Variants in PEX7 observed in about 807,000 individuals in gnomAD.
PEX7 encodes peroxisomal biogenesis factor 7.
PEX7 carries 34 observed loss-of-function variants against 47.5 expected under a neutral mutation model. The ratio of observed to expected loss-of-function variants is 0.72; its 90% CI spans 0.54 to 0.95. The LOEUF is 0.95. Ranked by LOEUF, PEX7 falls within the 40% of genes least tolerant of loss-of-function variation. PEX7 has a pLI of 0.00. For synonymous variants in PEX7, 141 were observed against 148.8 expected (o/e 0.95, Z 0.38); for missense variants, 394 against 400.3 (o/e 0.98, Z 0.13).
chr6:136,823,282 C>T (rs1774119078), intron 1 of PEX7: 2 of 985,416 alleles, frequency 2.0e-6, no homozygotes, highest in Non-Finnish European at 2.4e-6. Context: ...GGACGATGCT[C>T]CTGAATGGAC....
intron 9 of PEX7, among the ~76,000 whole-genome samples, chr6:136,903,461 C>G (rs565798717): frequency 1.1e-4 from 16 of 151,542 alleles, no homozygotes; most frequent in African/African-American, 3.9e-4. Flanking sequence ...TAGGCATGAG[C>G]TACCATGCCC....
intron 5 of PEX7, among the ~76,000 whole-genome samples, chr6:136,849,904 T>A (rs1460482815): frequency 6.6e-6 from 1 of 152,172 alleles, no homozygotes; most frequent in African/African-American, 2.4e-5. Context: ...TTCCTGGATA[T>A]CCTTGTTAAC....
At position 136,872,182 on chromosome 6, in the gene PEX7, CT is replaced by C. The variant is rs563675060; in HGVS notation, c.748-5del. The C allele has an allele frequency of 0.03, 29,358 of 993,648 alleles. 5 individuals are homozygous for C. Among genetic ancestry groups the C allele is most frequent in the East Asian group, 0.032 (896 of 27,936 alleles). The allele number at this position is 993,648 out of a possible 1,614,324, so 61.6% of individuals were successfully genotyped here. On this transcript the variant is annotated splice_polypyrimidine_tract_variant and intron_variant, in intron 7 of 9. Transcript: ENST00000318471. ...TGACTTCAAAAAGGGTTTTTTTTTTCTTTTTTTTTTTGTAGTTTTCACCATT... is the reference window on the plus strand; with the variant it reads ...TGACTTCAAAAAGGGTTTTTTTTTTCTTTTTTTTTTGTAGTTTTCACCATT...
chr6:136,890,785 C>T (rs144616917), intron 8 of PEX7, among the ~76,000 whole-genome samples: 1 of 152,198 alleles, frequency 6.6e-6, no homozygotes, highest in East Asian at 1.9e-4. Flanking sequence ...TGATTGTCAA[C>T]ATTTAGGTGT....
rs759009056 is a variant in PEX7 at position 136,835,262 on chromosome 6, A to G, written c.339+8793A>G. ...TTCTTAAACTTTGCAGCAGATTAGC[A>G]TCACTTTGGGAGCTTACAAAAATTT... On this transcript the variant is annotated intron_variant, in intron 3 of 9. Transcript: ENST00000318471. Among the ~76,000 whole-genome samples the G allele has an allele frequency of 4.7e-4, 71 of 150,218 alleles. 1 individual carries two copies. Among genetic ancestry groups the G allele is most frequent in the Middle Eastern group, 7.0e-3 (2 of 286 alleles).
In PEX7 at chr6:136,907,573, A is replaced by T. The variant is rs189404474; in HGVS notation, c.904-5885A>T. Among the ~76,000 whole-genome samples, 4 of 152,236 alleles carry T rather than the reference A, an allele frequency of 2.6e-5. No homozygotes were observed. In the East Asian group the frequency reaches 7.7e-4, roughly 29 times the overall value. ...GGCCATGTGTCATAAAGATAATTAC[A>T]GTAGATTGAACAAGTTTCCCAAGGG... is the stretch of plus-strand genomic sequence containing the variant. On this transcript the variant is annotated intron_variant, in intron 9 of 9. Transcript: ENST00000318471.
At chr6:136,823,025 T>G in intron 1 of PEX7, 1 of 985,456 alleles carries the variant, frequency 1.0e-6, no homozygotes, top group Non-Finnish European at 1.2e-6. Flanking sequence ...TGCATATACG[T>G]GTAGCCTAGT....
intron 8 of PEX7, among the ~76,000 whole-genome samples, chr6:136,881,965 C>G (rs116291073): frequency 0.014 from 2,055 of 152,166 alleles, 53 homozygotes; most frequent in African/African-American, 0.047. Flanking sequence ...AATAGGAGAT[C>G]TTTAACGTAA....
rs1418449819 is a variant in PEX7 at position 136,822,595 on chromosome 6, C to G, written c.-71C>G. 7.2e-7 allele frequency: 1 copy of G among 1,394,400 alleles called. No individual in the cohort carries two copies. Among genetic ancestry groups the G allele is most frequent in the East Asian group, 2.6e-5 (1 of 38,562 alleles). 86.4% of individuals were successfully genotyped at this position (1,394,400 alleles called of 1,614,324 possible). On this transcript the variant is annotated 5_prime_UTR_variant, in exon 1 of 10. Coordinates refer to ENST00000318471, the MANE Select transcript of PEX7 (RefSeq NM_000288.4). ...GTCCGGTCTGCCTGGTCTCTCTAAC[C>G]GCGCCAGTGTGCCTCCGACTCGGAA...
intron 5 of PEX7, among the ~76,000 whole-genome samples, chr6:136,846,575 T>C (rs1774606620): frequency 6.6e-6 from 1 of 151,292 alleles, no homozygotes; most frequent in Non-Finnish European, 1.5e-5. Context: ...TTCCCACCTA[T>C]GAGTGAGAAC....
chr6:136,904,913 G>T (rs192187780), intron 9 of PEX7, among the ~76,000 whole-genome samples: 1 of 152,042 alleles, frequency 6.6e-6, no homozygotes, highest in South Asian at 2.1e-4. Context: ...TGATTATGAA[G>T]CATTGCTTCT....
At chr6:136,871,683 C>T (rs1021529837) in intron 7 of PEX7, among the ~76,000 whole-genome samples, 3 of 152,078 alleles carry the variant, frequency 2.0e-5, no homozygotes, top group African/African-American at 4.8e-5. Context: ...TTCAGCTTCC[C>T]CAGAAGCTGA....
chr6:136,888,438 T>C (rs1775503640), intron 8 of PEX7, among the ~76,000 whole-genome samples: 2 of 152,188 alleles, frequency 1.3e-5, no homozygotes. Context: ...TAGCTAGAAA[T>C]GTCTTTGTAA....
At chr6:136,853,747 AT>A (rs1275540123) in intron 5 of PEX7, among the ~76,000 whole-genome samples, 1 of 152,162 alleles carries the variant, frequency 6.6e-6, no homozygotes, top group Non-Finnish European at 1.5e-5. Flanking sequence ...AGATTATGTA[AT>A]TTTTTGAGAT....
Position 136,823,745 on chromosome 6 carries a change from C to T in PEX7, c.130+950C>T, listed in dbSNP as rs530846584. On this transcript the variant is annotated intron_variant, in intron 1 of 9. Coordinates refer to ENST00000318471, the MANE Select transcript of PEX7 (RefSeq NM_000288.4). ...ATCTCTACTGAAAATACAAAATTAG[C>T]CGGGCGTGGTGGCGCATGCCTGTAA... Among the ~76,000 whole-genome samples the T allele has an allele frequency of 2.6e-4, 39 of 152,246 alleles. No homozygotes were observed. In the South Asian group the frequency reaches 7.9e-3, roughly 31 times the overall value.
At chr6:136,824,093 G>T (rs1015493216) in intron 1 of PEX7, among the ~76,000 whole-genome samples, 1 of 152,132 alleles carries the variant, frequency 6.6e-6, no homozygotes, top group African/African-American at 2.4e-5. Flanking sequence ...AGAAATACTT[G>T]ATTTATTTTC....
At chr6:136,823,020 A>G (rs1233436581) in intron 1 of PEX7, 9 of 985,334 alleles carry the variant, frequency 9.1e-6, no homozygotes, top group East Asian at 1.1e-4. Flanking sequence ...GCAAGTGCAT[A>G]TACGTGTAGC....
chr6:136,907,505 C>G (rs1314855079), intron 9 of PEX7, among the ~76,000 whole-genome samples: 1 of 151,180 alleles, frequency 6.6e-6, no homozygotes, highest in Admixed American at 6.6e-5. Flanking sequence ...TTCATTCTGT[C>G]TGTATCTTTC....
chr6:136,853,063 G>A (rs940780928), intron 5 of PEX7, among the ~76,000 whole-genome samples: 1 of 151,406 alleles, frequency 6.6e-6, no homozygotes, highest in Admixed American at 6.6e-5. Context: ...AATGGGGAAA[G>A]GATTCCCTAT....
Sources: gnomAD v4.1 joint callset for allele counts (sites outside exome capture counted in the v4.1 genomes callset) on GRCh38, gnomAD v4.1.1 for gene constraint, MANE v1.5 for transcripts, NCBI Gene and HGNC (gene_info 2026-07-23, HGNC 2026-07-21) for gene names.